USP21: variants seen among roughly 807,000 people sequenced by gnomAD.
USP21 encodes the protein ubiquitin carboxyl-terminal hydrolase 21.
Under a neutral mutation model 70.8 loss-of-function variants are expected in USP21, and 37 were observed. The ratio of observed to expected loss-of-function variants is 0.52; its 90% CI spans 0.40 to 0.69. USP21 has a LOEUF of 0.69. Among genes scored for constraint, USP21 ranks in the 30% least tolerant of loss-of-function variants. USP21 has a pLI of 0.00. For missense variants in USP21, 584 were observed against 740.8 expected (o/e 0.79, Z 2.46); for synonymous variants, 263 against 283.1 (o/e 0.93, Z 0.71).
chr1:161,162,567 C>A lies in USP21; in HGVS notation c.782-48C>A. On this transcript the variant is annotated intron_variant, in intron 5 of 13. Transcript: ENST00000368002. This position sits in a 1 kb window ranked among gnomAD's most constrained non-coding sequence, Gnocchi z 4.1. ...CCTCTGAGCCACCTTTTGCTTGCCT[C>A]TTCCAGACATTAACCTTTGTTTGCC... 1 of 1,551,754 alleles carries A rather than the reference C, an allele frequency of 6.4e-7. No homozygotes were observed. The highest frequency in any genetic ancestry group is 1.1e-5 in the South Asian group (1 of 89,396).
rs761391946 is a variant in USP21 at position 161,162,265 on chromosome 1, C to T, written c.661-5C>T. The T allele has an allele frequency of 6.2e-6, 10 of 1,607,464 alleles. 1 individual carries two copies. In the Admixed American group the frequency reaches 1.7e-4, roughly 27 times the overall value. Reference sequence around the variant, plus strand: ...GATAACAGCAGTGTCCCTACTGCTCCCCAGTGCTTCCTGAATGCTGTGCTG... The same window carrying T: ...GATAACAGCAGTGTCCCTACTGCTCTCCAGTGCTTCCTGAATGCTGTGCTG... On this transcript the variant is annotated splice_polypyrimidine_tract_variant and splice_region_variant and intron_variant, in intron 4 of 13. Coordinates refer to ENST00000368002, the MANE Select transcript of USP21 (RefSeq NM_001014443.3). This position sits in a 1 kb window ranked among gnomAD's most constrained non-coding sequence, Gnocchi z 4.1.
Position 161,161,988 on chromosome 1 carries a change from G to A in USP21, c.601-50G>A. 3.2e-6 allele frequency: 5 copies of A among 1,587,200 alleles called. No homozygotes were observed. Among genetic ancestry groups the A allele is most frequent in the Non-Finnish European group, 4.3e-6 (5 of 1,155,498 alleles). ...GGCAGCATGCTGTTGAAAGGTTAAAGTGCCAGGTAGGATATATAGGAACTT... is the reference window on the plus strand; with the variant it reads ...GGCAGCATGCTGTTGAAAGGTTAAAATGCCAGGTAGGATATATAGGAACTT... On this transcript the variant is annotated intron_variant, in intron 3 of 13. Transcript: ENST00000368002. This position sits in a 1 kb window ranked among gnomAD's most constrained non-coding sequence, Gnocchi z 4.2.
intron 7 of USP21, 87 bp downstream of exon 7, chr1:161,163,161 T>A (rs549977147): frequency 6.9e-7 from 1 of 1,457,302 alleles, no homozygotes; most frequent in Non-Finnish European, 9.3e-7. Flanking sequence ...AGATTGAAGA[T>A]GTAGGGTCCA....
In USP21 at chr1:161,163,861, C is replaced by T; in HGVS notation, c.1115-17C>T. The T allele has an allele frequency of 6.2e-7, 1 of 1,606,196 alleles. No homozygotes were observed. Among genetic ancestry groups the T allele is most frequent in the Non-Finnish European group, 8.5e-7 (1 of 1,172,856 alleles). On this transcript the variant is annotated splice_polypyrimidine_tract_variant and intron_variant, in intron 8 of 13. Transcript: ENST00000368002. ...TCCAACAATGACCTTTTCTCCTGTC[C>T]CTGTGCTTCTGTCTAGACCTGTTTG...
Position 161,164,980 on chromosome 1 carries a change from G to T in USP21, c.1492+38G>T. ...GGGAAAGTCCTAAGGAGCCAAAGGAGTGGGGGCACAGCTCTGATTATAGAA... is the reference window on the plus strand; with the variant it reads ...GGGAAAGTCCTAAGGAGCCAAAGGATTGGGGGCACAGCTCTGATTATAGAA... On this transcript the variant is annotated intron_variant, in intron 12 of 13. Transcript: ENST00000368002. The surrounding 1 kb of genome is among the most constrained non-coding windows in gnomAD (Gnocchi z 4.2). The T allele has an allele frequency of 1.2e-6, 2 of 1,613,264 alleles. No homozygotes were observed. The highest frequency in any genetic ancestry group is 1.7e-6 in the Non-Finnish European group (2 of 1,179,262).
Position 161,161,478 on chromosome 1 carries a change from T to C in USP21, c.600+238T>C. 2 of 512,390 alleles carry C rather than the reference T, an allele frequency of 3.9e-6. 1 individual carries two copies. Among genetic ancestry groups the C allele is most frequent in the South Asian group, 5.9e-5 (2 of 34,080 alleles). 31.7% of individuals were successfully genotyped at this position (512,390 alleles called of 1,614,324 possible). A position where few individuals can be genotyped will look rare whatever the true frequency, so the allele number is the denominator to read the frequency against. ...GGTCCCCAGGGGATTACCCCAACTA[T>C]TTAGAATTCTTCTTTGGGTCCCCAG... On this transcript the variant is annotated intron_variant, in intron 3 of 13. Transcript: ENST00000368002. The surrounding 1 kb of genome is among the most constrained non-coding windows in gnomAD (Gnocchi z 4.2).
At position 161,160,875 on chromosome 1, in the gene USP21, A is replaced by C; in HGVS notation, c.235A>C (p.Arg79=). 7 of 1,614,218 alleles carry C rather than the reference A, an allele frequency of 4.3e-6. No homozygotes were observed. The highest frequency in any genetic ancestry group is 5.9e-6 in the Non-Finnish European group (7 of 1,180,030). ...GRGRTSGPRP[R]GPLRADHGVP... ...GGGACGGACCTCAGGCCCTCGTCCC[A>C]GAGGCCCCCTTCGAGCAGATCATGG... The change falls in exon 3 of 14, where the codon AGA becomes CGA. Residue 79 remains arginine, a synonymous_variant. Transcript: ENST00000368002.
chr1:161,162,084 A>C lies in USP21; in HGVS notation c.647A>C (p.Asn216Thr). The C allele has an allele frequency of 6.2e-7, 1 of 1,614,054 alleles. No homozygotes were observed. Among genetic ancestry groups the C allele is most frequent in the South Asian group, 1.1e-5 (1 of 91,076 alleles). Residue 216 changes from asparagine (N) to threonine (T), a missense_variant, in exon 4 of 14, where the codon AAC (asparagine) becomes ACC (threonine). Asn to Thr is a moderately conservative substitution (Grantham distance 65). Transcript: ENST00000368002. This position sits in a 1 kb window ranked among gnomAD's most constrained non-coding sequence, Gnocchi z 4.1. ...GGCTCTGGTCATGTTGGCCTTCGAA[A>C]CCTGGGAAACACGGTGAGAGCTATT... Reference protein sequence around the residue: ...LLGSGHVGLRNLGNTCFLNAV... With the variant: ...LLGSGHVGLRTLGNTCFLNAV...
In USP21 at chr1:161,160,426, C is replaced by T; in HGVS notation, c.-102C>T. The T allele has an allele frequency of 1.6e-6, 1 of 641,554 alleles. No homozygotes were observed. The allele number at this position is 641,554 out of a possible 1,614,324, so 39.7% of individuals were successfully genotyped here. A position where few individuals can be genotyped will look rare whatever the true frequency, so the allele number is the denominator to read the frequency against. ...GTTCCTGCCCTCAGTGCGTATACTGCTCCCCACTTTCGTTGATGTGGTAGT... is the reference window on the plus strand; with the variant it reads ...GTTCCTGCCCTCAGTGCGTATACTGTTCCCCACTTTCGTTGATGTGGTAGT... On this transcript the variant is annotated 5_prime_UTR_variant, in exon 2 of 14. Coordinates refer to ENST00000368002, the MANE Select transcript of USP21 (RefSeq NM_001014443.3).
At chr1:161,159,822 G>A (rs995150865) in intron 1 of USP21, 144 bp downstream of exon 1, 1 of 152,348 alleles carries the variant, frequency 6.6e-6, no homozygotes, top group Non-Finnish European at 1.5e-5. Context: ...AGCATCCCTG[G>A]ACCGCGGGGA....
At position 161,162,554 on chromosome 1, in the gene USP21, C is replaced by G. The variant is rs555749731; in HGVS notation, c.782-61C>G. 16 of 1,532,458 alleles carry G rather than the reference C, an allele frequency of 1.0e-5. No individual in the cohort carries two copies. The highest frequency in any genetic ancestry group is 5.5e-5 in the African/African-American group (4 of 73,330). The allele number at this position is 1,532,458 out of a possible 1,614,324, so 94.9% of individuals were successfully genotyped here. ...GGTTATTTTCTACCCTCTGAGCCAC[C>G]TTTTGCTTGCCTCTTCCAGACATTA... On this transcript the variant is annotated intron_variant, in intron 5 of 13. Transcript: ENST00000368002. This position sits in a 1 kb window ranked among gnomAD's most constrained non-coding sequence, Gnocchi z 4.1.
In USP21 at chr1:161,161,578, G is replaced by A. The variant is rs1031768593; in HGVS notation, c.600+338G>A. 2.4e-5 allele frequency: 9 copies of A among 378,004 alleles called. No individual in the cohort carries two copies. The highest frequency in any genetic ancestry group is 4.3e-5 in the Non-Finnish European group (9 of 207,932). 23.4% of individuals were successfully genotyped at this position (378,004 alleles called of 1,614,324 possible). A position where few individuals can be genotyped will look rare whatever the true frequency, so the allele number is the denominator to read the frequency against. On this transcript the variant is annotated intron_variant, in intron 3 of 13. Transcript: ENST00000368002. This position sits in a 1 kb window ranked among gnomAD's most constrained non-coding sequence, Gnocchi z 4.2. ...CCTAATTAATCTCTGGAGCTAAAGAGAGGCAGGCACAGAACATCTTAGCAA... is the reference window on the plus strand; with the variant it reads ...CCTAATTAATCTCTGGAGCTAAAGAAAGGCAGGCACAGAACATCTTAGCAA...
chr1:161,165,637 G>A lies in USP21; in HGVS notation c.*190G>A. On this transcript the variant is annotated 3_prime_UTR_variant, in exon 14 of 14. Transcript: ENST00000368002. ...AGGCTCCCTTGTCTCCCAGCCCCAT[G>A]TACAAAGCTCACCAAGCCCCTGCCC... 2 of 565,616 alleles carry A rather than the reference G, an allele frequency of 3.5e-6. No individual in the cohort carries two copies. Among genetic ancestry groups the A allele is most frequent in the African/African-American group, 1.9e-5 (1 of 53,566 alleles). 35.0% of individuals were successfully genotyped at this position (565,616 alleles called of 1,614,324 possible).
chr1:161,164,374 G>A lies in USP21; in HGVS notation c.1305+124G>A, dbSNP rs1658290746. ...TATTTATGTATCTGGGTTTGTGTTG[G>A]AGTCTCAGATCTGTTCTAGTACTCC... On this transcript the variant is annotated intron_variant, in intron 10 of 13. Coordinates refer to ENST00000368002, the MANE Select transcript of USP21 (RefSeq NM_001014443.3). The surrounding 1 kb of genome is among the most constrained non-coding windows in gnomAD (Gnocchi z 4.2). 2 of 1,320,448 alleles carry A rather than the reference G, an allele frequency of 1.5e-6. No homozygotes were observed. The highest frequency in any genetic ancestry group is 4.7e-5 in the East Asian group (2 of 42,270). The allele number at this position is 1,320,448 out of a possible 1,614,324, so 81.8% of individuals were successfully genotyped here.
chr1:161,164,623 C>A lies in USP21; in HGVS notation c.1384+11C>A. ...GAATCCTCGTGCTCCATATCCTAATCTTCAGATTCTTACTTCTCTTAGGAT... is the reference window on the plus strand; with the variant it reads ...GAATCCTCGTGCTCCATATCCTAATATTCAGATTCTTACTTCTCTTAGGAT... On this transcript the variant is annotated intron_variant, in intron 11 of 13. Coordinates refer to ENST00000368002, the MANE Select transcript of USP21 (RefSeq NM_001014443.3). This position sits in a 1 kb window ranked among gnomAD's most constrained non-coding sequence, Gnocchi z 4.2. 2 of 1,613,950 alleles carry A rather than the reference C, an allele frequency of 1.2e-6. No individual in the cohort carries two copies. The highest frequency in any genetic ancestry group is 2.2e-5 in the East Asian group (1 of 44,880).
In USP21 at chr1:161,162,570, C is replaced by A. The variant is rs1658013699; in HGVS notation, c.782-45C>A. ...CTGAGCCACCTTTTGCTTGCCTCTT[C>A]CAGACATTAACCTTTGTTTGCCTTC... On this transcript the variant is annotated intron_variant, in intron 5 of 13. Transcript: ENST00000368002. This position sits in a 1 kb window ranked among gnomAD's most constrained non-coding sequence, Gnocchi z 4.1. The A allele has an allele frequency of 1.3e-6, 2 of 1,553,444 alleles. No individual in the cohort carries two copies. The highest frequency in any genetic ancestry group is 1.7e-5 in the Admixed American group (1 of 59,496).
In USP21 at chr1:161,160,697, C is replaced by T. The variant is rs1657838584; in HGVS notation, c.57C>T (p.Ile19=). ...GTACCCGAGAGCCACCTGTTAATAT[C>T]CAGCCCCGAGTGGGATCCAAGCTAC... ...LGRTREPPVN[I]QPRVGSKLPF... is the part of the protein sequence containing the mutation. Residue 19 remains isoleucine, a synonymous_variant, in exon 3 of 14, where the codon ATC becomes ATT. Transcript: ENST00000368002. The T allele has an allele frequency of 6.2e-7, 1 of 1,614,180 alleles. No homozygotes were observed. Among genetic ancestry groups the T allele is most frequent in the Non-Finnish European group, 8.5e-7 (1 of 1,180,042 alleles).
In USP21 at chr1:161,161,340, C is replaced by T; in HGVS notation, c.600+100C>T. 4.2e-6 allele frequency: 6 copies of T among 1,428,186 alleles called. No homozygotes were observed. The highest frequency in any genetic ancestry group is 1.4e-5 in the South Asian group (1 of 72,518). 88.5% of individuals were successfully genotyped at this position (1,428,186 alleles called of 1,614,324 possible). On this transcript the variant is annotated intron_variant, in intron 3 of 13. Coordinates refer to ENST00000368002, the MANE Select transcript of USP21 (RefSeq NM_001014443.3). This position sits in a 1 kb window ranked among gnomAD's most constrained non-coding sequence, Gnocchi z 4.2. ...TCCCCCATTTCCCTGAAGTTCCTTTCTCAGCCCTTCATTACAGCAGTTTGG... is the reference window on the plus strand; with the variant it reads ...TCCCCCATTTCCCTGAAGTTCCTTTTTCAGCCCTTCATTACAGCAGTTTGG...
Position 161,165,680 on chromosome 1 carries a change from C to T in USP21, c.*233C>T, listed in dbSNP as rs368385818. 2 of 443,546 alleles carry T rather than the reference C, an allele frequency of 4.5e-6. No homozygotes were observed. The highest frequency in any genetic ancestry group is 5.4e-5 in the South Asian group (1 of 18,400). 27.5% of individuals were successfully genotyped at this position (443,546 alleles called of 1,614,324 possible). On this transcript the variant is annotated 3_prime_UTR_variant, in exon 14 of 14. Coordinates refer to ENST00000368002, the MANE Select transcript of USP21 (RefSeq NM_001014443.3). ...CCCTGCCCATGTACAGCCCCCAGACCCTCTGCAATATCACTTTTTGTGAAT... is the reference window on the plus strand; with the variant it reads ...CCCTGCCCATGTACAGCCCCCAGACTCTCTGCAATATCACTTTTTGTGAAT...
Sources: allele counts gnomAD v4.1 joint callset, GRCh38; gene constraint gnomAD v4.1.1; non-coding constraint Gnocchi (gnomAD v3.1); transcripts MANE v1.5; gene names NCBI Gene and HGNC (gene_info 2026-07-23, HGNC 2026-07-21).